Variants in LAMA2 observed in about 807,000 individuals in gnomAD.
LAMA2 encodes laminin subunit alpha-2.
A neutral mutation model predicts 364.8 loss-of-function variants in LAMA2; 269 were observed. That is an observed-to-expected ratio of 0.74 (90% CI 0.67 to 0.82). The LOEUF is 0.82. Ranked by LOEUF, LAMA2 falls within the 40% of genes least tolerant of loss-of-function variation. The probability of loss-of-function intolerance (pLI) is 0.00; values close to 1 mark genes in which losing one functional copy is unlikely to be tolerated. For missense variants in LAMA2, 3,807 were observed against 3,873.2 expected (o/e 0.98, Z 0.45); for synonymous variants, 1,379 against 1,370.6 (o/e 1.01, Z -0.14).
At chr6:129,251,849 C>T (rs1330633567) in intron 13 of LAMA2, among the ~76,000 whole-genome samples, 1 of 152,060 alleles carries the variant, frequency 6.6e-6, no homozygotes, top group Non-Finnish European at 1.5e-5. Context: ...GCATGAGAAT[C>T]GCTTGAACCT....
intron 4 of LAMA2, among the ~76,000 whole-genome samples, chr6:129,116,365 C>T (rs776558720): frequency 1.3e-5 from 2 of 152,094 alleles, no homozygotes; most frequent in Non-Finnish European, 2.9e-5. Context: ...ATAATGATGA[C>T]TTCACGTCTT....
chr6:129,366,089 T>A, intron 32 of LAMA2, 130 bp from the exon 33 acceptor site: 1 of 953,272 alleles, frequency 1.0e-6, no homozygotes, highest in South Asian at 1.3e-5. Context: ...GCATTAATAT[T>A]CTGAGATGAG....
intron 32 of LAMA2, 91 bp downstream of exon 32, chr6:129,353,448 C>CTTTTT: frequency 2.6e-6 from 2 of 771,436 alleles, no homozygotes; most frequent in Non-Finnish European, 2.1e-6. Flanking sequence ...CCCCGCCCGC[C>CTTTTT]TTTTTTTTTT....
intron 58 of LAMA2, among the ~76,000 whole-genome samples, chr6:129,495,580 C>T (rs1225818742): frequency 6.6e-6 from 1 of 152,120 alleles, no homozygotes; most frequent in East Asian, 1.9e-4. Context: ...AGCAGAACCT[C>T]ATGGACCTTC....
At chr6:129,122,509 C>T (rs1776856390) in intron 4 of LAMA2, among the ~76,000 whole-genome samples, 1 of 152,138 alleles carries the variant, frequency 6.6e-6, no homozygotes, top group South Asian at 2.1e-4. Flanking sequence ...TATGGGAGAC[C>T]CTGTATCACT....
chr6:129,345,337 C>T (rs1776487250), intron 30 of LAMA2, among the ~76,000 whole-genome samples: 1 of 152,036 alleles, frequency 6.6e-6, no homozygotes, highest in Admixed American at 6.6e-5. Context: ...ACAGGGTAGG[C>T]CCGGTTTTGG....
At chr6:129,339,333 A>T (rs1776126846) in intron 29 of LAMA2, among the ~76,000 whole-genome samples, 1 of 152,246 alleles carries the variant, frequency 6.6e-6, no homozygotes, top group South Asian at 2.1e-4. Context: ...AGTGAATGAC[A>T]GTGACCTCAG....
At position 128,883,175 on chromosome 6, in the gene LAMA2, C is replaced by A; in HGVS notation, c.-71C>A. 1 of 1,438,742 alleles carries A rather than the reference C, an allele frequency of 7.0e-7. No homozygotes were observed. The highest frequency in any genetic ancestry group is 9.5e-7 in the Non-Finnish European group (1 of 1,054,406). 89.1% of individuals were successfully genotyped at this position (1,438,742 alleles called of 1,614,324 possible). On this transcript the variant is annotated 5_prime_UTR_variant, in exon 1 of 65. Transcript: ENST00000421865. ...AGCTGCTGCTCGCTCAGCTCACAAG[C>A]CAAGGCCAGGGGACAGGGCGGCAGC... is the stretch of plus-strand genomic sequence containing the variant.
intron 3 of LAMA2, among the ~76,000 whole-genome samples, chr6:129,078,928 A>G (rs1773842184): frequency 6.6e-6 from 1 of 152,198 alleles, no homozygotes; most frequent in African/African-American, 2.4e-5. Context: ...TTCATTCAAC[A>G]TAGTGTCTTC....
At chr6:129,304,273 T>C (rs1438695424) in intron 22 of LAMA2, among the ~76,000 whole-genome samples, 1 of 152,146 alleles carries the variant, frequency 6.6e-6, no homozygotes. Flanking sequence ...GTTTTTTGTT[T>C]TTTGTTTTTG....
chr6:129,222,124 G>A (rs933742513), intron 12 of LAMA2, among the ~76,000 whole-genome samples: 1 of 152,132 alleles, frequency 6.6e-6, no homozygotes, highest in Non-Finnish European at 1.5e-5. Context: ...CATTGCTCAT[G>A]TTCAACTTCT....
At chr6:129,109,111 TG>T (rs1775993837) in intron 4 of LAMA2, among the ~76,000 whole-genome samples, 1 of 152,132 alleles carries the variant, frequency 6.6e-6, no homozygotes, top group Non-Finnish European at 1.5e-5. Flanking sequence ...TGCTAGTGTG[TG>T]GGTGTCCCGG....
chr6:129,300,848 C>A lies in LAMA2; in HGVS notation c.3150C>A (p.Gly1050=). 6.2e-7 allele frequency: 1 copy of A among 1,613,762 alleles called. No individual in the cohort carries two copies. Among genetic ancestry groups the A allele is most frequent in the East Asian group, 2.2e-5 (1 of 44,858 alleles). ...KCSKCAPNTW[G]HSITTGCKAC... ...CTAAATGTGCACCCAATACCTGGGG[C>A]CACAGCATTACCACTGGTTGTAAGG... The change falls in exon 22 of 65, where the codon GGC becomes GGA. Residue 1050 remains glycine (G), a synonymous_variant. Transcript: ENST00000421865.
chr6:129,313,270 C>T (rs182147092), intron 23 of LAMA2, among the ~76,000 whole-genome samples, 173 bp downstream of exon 23: 11 of 152,222 alleles, frequency 7.2e-5, no homozygotes, highest in African/African-American at 2.4e-4. Context: ...GTTGGCATAC[C>T]GATAAACACT....
rs551274114 is a variant in LAMA2, at chr6:128,902,220, A to G, written c.112+18863A>G. On this transcript the variant is annotated intron_variant, in intron 1 of 64. Coordinates refer to ENST00000421865, the MANE Select transcript of LAMA2 (RefSeq NM_000426.4). ...CATGGGGATTACAATTTGGATTACA[A>G]TTCAAGATGAGATTTTGTGAGGACA... 3.2e-3 allele frequency among the ~76,000 whole-genome samples: 491 copies of G among 152,340 alleles called. 4 individuals carry two copies. Among genetic ancestry groups the G allele is most frequent in the Non-Finnish European group, 3.4e-3 (228 of 68,036 alleles).
At chr6:128,964,564 A>G (rs77272942) in intron 1 of LAMA2, among the ~76,000 whole-genome samples, 3,694 of 152,192 alleles carry the variant, frequency 0.024, 147 homozygotes, top group African/African-American at 0.082. Flanking sequence ...GCACACTGGA[A>G]CAAATATTAA....
In LAMA2 at chr6:129,315,461, T is replaced by G. The variant is rs17741922; in HGVS notation, c.3556-15T>G. 10,640 of 1,613,290 alleles carry G rather than the reference T, an allele frequency of 6.6e-3. 103 individuals carry two copies. The highest frequency in any genetic ancestry group is 0.026 in the South Asian group (2,412 of 91,066). On this transcript the variant is annotated splice_polypyrimidine_tract_variant and intron_variant, in intron 24 of 64. Coordinates refer to ENST00000421865, the MANE Select transcript of LAMA2 (RefSeq NM_000426.4). Reference sequence around the variant, plus strand: ...GCGTAAATTCAGCCTTCTGCTGTATTTTGACCCCTTGCAGGTGACTCTGAA... The same window carrying G: ...GCGTAAATTCAGCCTTCTGCTGTATGTTGACCCCTTGCAGGTGACTCTGAA...
rs774713726 is a variant in LAMA2 at position 129,267,102 on chromosome 6, T to C, written c.2209-4T>C. 1 of 1,581,618 alleles carries C rather than the reference T, an allele frequency of 6.3e-7. No homozygotes were observed. Among genetic ancestry groups the C allele is most frequent in the South Asian group, 1.1e-5 (1 of 90,438 alleles). On this transcript the variant is annotated splice_polypyrimidine_tract_variant and splice_region_variant and intron_variant, in intron 15 of 64. Transcript: ENST00000421865. The stretch of plus-strand genomic sequence containing the variant: ...GACTGACTAAAGCCTTATCTTTCTC[T>C]CAGTCTTGTTGGCCTAGGCACAGGC...
At chr6:129,260,897 G>T in intron 15 of LAMA2, 75 bp downstream of exon 15, 1 of 884,844 alleles carries the variant, frequency 1.1e-6, no homozygotes, top group Admixed American at 1.7e-5. Context: ...ATTCTAATAA[G>T]AGCTGTTTTT....
Sources: allele counts gnomAD v4.1 joint callset (sites outside exome capture counted in the v4.1 genomes callset), GRCh38; gene constraint gnomAD v4.1.1; transcripts MANE v1.5; gene names NCBI Gene and HGNC (gene_info 2026-07-23, HGNC 2026-07-21).